TLL1: variants seen among roughly 807,000 people sequenced by gnomAD.
The protein encoded by TLL1 is tolloid like 1.
TLL1 carries 49 observed loss-of-function variants against 128.2 expected under a neutral mutation model. That is an observed-to-expected ratio of 0.38 (90% CI 0.30 to 0.48). TLL1 has a LOEUF of 0.48. Ranked by LOEUF, TLL1 falls within the 20% of genes least tolerant of loss-of-function variation. The probability of loss-of-function intolerance (pLI) is 0.96; values close to 1 mark genes in which losing one functional copy is unlikely to be tolerated. For synonymous variants in TLL1, 454 were observed against 418.8 expected, an observed-to-expected ratio of 1.08 and a Z score of -1.03; for missense variants, 1,123 against 1,242.0, an observed-to-expected ratio of 0.90 and a Z score of 1.44.
At chr4:165,974,162 A>G (rs1352878819) in intron 1 of TLL1, among the ~76,000 whole-genome samples, 2 of 10,886 alleles carry the variant, frequency 1.8e-4, no homozygotes, top group Admixed American at 1.6e-3. Flanking sequence ...TTTTTTTGAG[A>G]CGGAGTCTCG....
chr4:165,920,868 G>A (rs1295382367), intron 1 of TLL1, among the ~76,000 whole-genome samples: 1 of 152,056 alleles, frequency 6.6e-6, no homozygotes, highest in Non-Finnish European at 1.5e-5. Context: ...AATAAGTAAA[G>A]GTTCAAATTA....
intron 1 of TLL1, among the ~76,000 whole-genome samples, chr4:165,888,403 C>T (rs1475942326): frequency 6.6e-6 from 1 of 152,064 alleles, no homozygotes; most frequent in Non-Finnish European, 1.5e-5. Context: ...GGGATGAAGA[C>T]AATTTAGGCA....
At chr4:166,051,582 T>C (rs190128086) in intron 12 of TLL1, among the ~76,000 whole-genome samples, 36 of 152,286 alleles carry the variant, frequency 2.4e-4, no homozygotes, top group African/African-American at 8.4e-4. Context: ...TTTGTGCTCA[T>C]TGTTATCACT....
At chr4:166,088,463 G>A (rs1286091317) in intron 18 of TLL1, among the ~76,000 whole-genome samples, 1 of 151,962 alleles carries the variant, frequency 6.6e-6, no homozygotes, top group Non-Finnish European at 1.5e-5. Flanking sequence ...TTCTCTGTGT[G>A]GGTATCTTTA....
chr4:166,099,869 C>T (rs956314232), intron 20 of TLL1, among the ~76,000 whole-genome samples: 1 of 152,110 alleles, frequency 6.6e-6, no homozygotes. Context: ...ACAATTCTGT[C>T]ACGTTTCTGA....
chr4:166,032,973 A>G (rs1738840168), intron 9 of TLL1, among the ~76,000 whole-genome samples: 1 of 152,164 alleles, frequency 6.6e-6, no homozygotes, highest in Non-Finnish European at 1.5e-5. Context: ...TAGATATTCA[A>G]TGAATATATG....
At chr4:165,983,021 A>G (rs1031058307) in intron 1 of TLL1, among the ~76,000 whole-genome samples, 11 of 151,914 alleles carry the variant, frequency 7.2e-5, no homozygotes, top group Non-Finnish European at 1.0e-4. Flanking sequence ...CAGTGTAAGA[A>G]TGGAAGTTTT....
chr4:166,072,944 G>A (rs148742454), intron 16 of TLL1, among the ~76,000 whole-genome samples: 3 of 152,018 alleles, frequency 2.0e-5, no homozygotes, highest in Admixed American at 6.6e-5. Context: ...CAGTTGTTAG[G>A]TTTCCAAGCT....
Position 165,989,394 on chromosome 4 carries a change from C to T in TLL1, c.183C>T (p.Gly61=), listed in dbSNP as rs752281443. 2.9e-5 allele frequency: 47 copies of T among 1,611,078 alleles called. No individual in the cohort carries two copies. Among genetic ancestry groups the T allele is most frequent in the African/African-American group, 1.1e-4 (8 of 74,752 alleles). ...TTCTTTTTTTAGCTGTATTTTGGGG[C>T]GATATTGCCTTAGATGATGAAGACT... ...KDPCKAAVFW[G]DIALDDEDLN... is the part of the protein sequence containing the mutation. Residue 61 remains glycine, a synonymous_variant, in exon 2 of 21, where the codon GGC becomes GGT. Transcript: ENST00000061240.
chr4:165,950,327 G>T (rs1734452856), intron 1 of TLL1, among the ~76,000 whole-genome samples: 1 of 152,094 alleles, frequency 6.6e-6, no homozygotes, highest in Admixed American at 6.6e-5. Flanking sequence ...TGCATTTGGA[G>T]ACTTTAGCAT....
In TLL1 at chr4:165,994,510, A is replaced by T; in HGVS notation, c.491A>T (p.Tyr164Phe). The T allele has an allele frequency of 6.2e-7, 1 of 1,614,046 alleles. No homozygotes were observed. Among genetic ancestry groups the T allele is most frequent in the Non-Finnish European group, 8.5e-7 (1 of 1,179,926 alleles). The change falls in exon 4 of 21, where the codon TAT becomes TTT. Residue 164 changes from tyrosine (Y) to phenylalanine (F), a missense_variant. Coordinates refer to ENST00000061240, the MANE Select transcript of TLL1 (RefSeq NM_012464.5). Reference protein sequence around the residue: ...ERIWPGGVIPYVIGGNFTGSQ... With the variant: ...ERIWPGGVIPFVIGGNFTGSQ... Reference sequence around the variant, plus strand: ...ATATGGCCTGGAGGCGTTATTCCTTATGTTATAGGAGGAAACTTCACTGGT... The same window carrying T: ...ATATGGCCTGGAGGCGTTATTCCTTTTGTTATAGGAGGAAACTTCACTGGT...
intron 1 of TLL1, among the ~76,000 whole-genome samples, chr4:165,972,722 T>C (rs1735681334): frequency 6.6e-6 from 1 of 152,202 alleles, no homozygotes; most frequent in Non-Finnish European, 1.5e-5. Context: ...TGGCTTATAA[T>C]AATTGGATAT....
intron 19 of TLL1, among the ~76,000 whole-genome samples, chr4:166,092,948 A>T (rs540882557): frequency 6.6e-6 from 1 of 152,140 alleles, no homozygotes; most frequent in Non-Finnish European, 1.5e-5. Context: ...TACAGCAGTA[A>T]AACTCCATAA....
intron 14 of TLL1, 34 bp downstream of exon 14, chr4:166,057,343 C>T (rs753004768): frequency 6.2e-6 from 10 of 1,612,194 alleles, no homozygotes; most frequent in Admixed American, 5.0e-5. Context: ...CCCCCACCCC[C>T]CACAATTATT....
At chr4:165,990,488 T>A (rs1736586560) in intron 2 of TLL1, among the ~76,000 whole-genome samples, 1 of 152,052 alleles carries the variant, frequency 6.6e-6, no homozygotes, top group South Asian at 2.1e-4. Flanking sequence ...TGACCAGTTT[T>A]AAATATATCG....
chr4:165,920,504 A>G (rs1250943054), intron 1 of TLL1, among the ~76,000 whole-genome samples: 1 of 152,236 alleles, frequency 6.6e-6, no homozygotes. Context: ...CCATGTACAC[A>G]AATGGACAAT....
At chr4:166,073,408 T>A (rs1252213281) in intron 16 of TLL1, among the ~76,000 whole-genome samples, 1 of 152,178 alleles carries the variant, frequency 6.6e-6, no homozygotes, top group Non-Finnish European at 1.5e-5. Flanking sequence ...ATTTTACAAA[T>A]CTAATTTTCT....
At chr4:166,063,314 T>C (rs1341029443) in intron 15 of TLL1, among the ~76,000 whole-genome samples, 1 of 152,138 alleles carries the variant, frequency 6.6e-6, no homozygotes, top group East Asian at 1.9e-4. Context: ...CCAGTTAGAA[T>C]GGTGATCATT....
intron 13 of TLL1, among the ~76,000 whole-genome samples, chr4:166,056,149 G>T (rs1739997960): frequency 6.6e-6 from 1 of 151,980 alleles, no homozygotes; most frequent in African/African-American, 2.4e-5. Context: ...GGTATTAAAA[G>T]AATTCATTAA....
Sources: gnomAD v4.1 joint callset for allele counts (sites outside exome capture counted in the v4.1 genomes callset) on GRCh38, gnomAD v4.1.1 for gene constraint, MANE v1.5 for transcripts, NCBI Gene and HGNC (gene_info 2026-07-23, HGNC 2026-07-21) for gene names.